Variants in COL4A6 observed in about 807,000 individuals in gnomAD.
The protein encoded by COL4A6 is collagen alpha-6(IV) chain.
COL4A6 carries 59 observed loss-of-function variants against 126.7 expected under a neutral mutation model. That is an observed-to-expected ratio of 0.47 (90% CI 0.38 to 0.58). The LOEUF (loss-of-function observed/expected upper bound fraction) is 0.58, where lower values mean the gene tolerates loss of function less well. COL4A6 is among the 20% of genes least tolerant of loss of function. The probability of loss-of-function intolerance (pLI) is 0.00; values close to 1 mark genes in which losing one functional copy is unlikely to be tolerated. For missense variants in COL4A6, 1,285 were observed against 1,337.3 expected (o/e 0.96, Z 0.61); for synonymous variants, 547 against 496.6 (o/e 1.10, Z -1.35).
intron 2 of COL4A6, among the ~76,000 whole-genome samples, chrX:108,379,686 T>C (rs1410329250): frequency 9.1e-6 from 1 of 110,282 alleles, no homozygotes; most frequent in Admixed American, 9.8e-5. Context: ...TCCACAAATG[T>C]TACTATTTTA....
At position 108,160,475 on chromosome X, in the gene COL4A6, T is replaced by C; in HGVS notation, c.4513A>G (p.Asn1505Asp). Reference protein sequence around the residue: ...LFVEGQEKAHNQDLGFAGSCL... With the variant: ...LFVEGQEKAHDQDLGFAGSCL... Reference sequence around the variant, plus strand: ...AGCTGGTACCTACCCAGGTCCTGGTTGTGGGCTTTCTCTTGCCCCTCCACA... The same window carrying C: ...AGCTGGTACCTACCCAGGTCCTGGTCGTGGGCTTTCTCTTGCCCCTCCACA... Residue 1505 changes from asparagine to aspartate, a missense_variant, in exon 43 of 45, where the codon AAC becomes GAC. Transcript: ENST00000334504. The C allele has an allele frequency of 4.2e-6, 5 of 1,201,824 alleles. No individual in the cohort carries two copies. The highest frequency in any genetic ancestry group is 5.6e-6 in the Non-Finnish European group (5 of 890,379).
intron 2 of COL4A6, among the ~76,000 whole-genome samples, chrX:108,319,600 A>G (rs1322722705): frequency 8.9e-6 from 1 of 112,150 alleles, no homozygotes; most frequent in East Asian, 2.8e-4. Context: ...AGGTCAAGTA[A>G]GACAAGATAT....
intron 2 of COL4A6, among the ~76,000 whole-genome samples, chrX:108,336,527 T>A (rs887261588): frequency 9.0e-6 from 1 of 111,082 alleles, no homozygotes; most frequent in African/African-American, 3.3e-5. Flanking sequence ...GGTTCCCATT[T>A]GGGGTGGTGA....
chrX:108,234,837 G>A (rs2036395705), intron 3 of COL4A6, among the ~76,000 whole-genome samples: 1 of 111,651 alleles, frequency 9.0e-6, no homozygotes, highest in Admixed American at 9.5e-5. Context: ...GAGGGAAGTG[G>A]AGAATGTCTA....
At chrX:108,355,730 G>A (rs971630468) in intron 2 of COL4A6, among the ~76,000 whole-genome samples, 2 of 111,909 alleles carry the variant, frequency 1.8e-5, no homozygotes, top group African/African-American at 6.5e-5. Context: ...AGTCAGCCAT[G>A]CAAAACTCTT....
At chrX:108,327,020 G>T (rs1603095064) in intron 2 of COL4A6, among the ~76,000 whole-genome samples, 1 of 111,136 alleles carries the variant, frequency 9.0e-6, no homozygotes, top group African/African-American at 3.3e-5. Flanking sequence ...TAGACTGAGA[G>T]AAAATATTCG....
chrX:108,410,380 T>G (rs1485042040), intron 2 of COL4A6, among the ~76,000 whole-genome samples: 1 of 111,680 alleles, frequency 9.0e-6, no homozygotes, highest in Admixed American at 9.5e-5. Context: ...CAAGAGTTTT[T>G]TTCATATAGA....
intron 2 of COL4A6, among the ~76,000 whole-genome samples, chrX:108,329,988 G>A (rs1306671300): frequency 1.8e-5 from 2 of 110,630 alleles, no homozygotes; most frequent in African/African-American, 3.3e-5. Context: ...AAATGAGTTC[G>A]GTTTTGGACA....
At position 108,191,396 on chromosome X, in the gene COL4A6, G is replaced by C. The variant is rs769769866; in HGVS notation, c.1318C>G (p.Pro440Ala). The change falls in exon 19 of 45, where the codon CCT becomes GCT. Residue 440 changes from proline to alanine, a missense_variant. Transcript: ENST00000334504. The stretch of plus-strand genomic sequence containing the variant: ...AAAAGAGAAATGAGTAACTTACTAG[G>C]TGGGCCTGGTGGACCTGGTGGGCCT... ...LPGPPGPPGP[P>A]SPEFETETLH... The C allele has an allele frequency of 4.1e-6, 5 of 1,209,199 alleles. No individual in the cohort carries two copies. The highest frequency in any genetic ancestry group is 5.6e-6 in the Non-Finnish European group (5 of 894,402).
chrX:108,284,803 C>A (rs2037961465), intron 3 of COL4A6, among the ~76,000 whole-genome samples: 1 of 112,078 alleles, frequency 8.9e-6, no homozygotes, highest in African/African-American at 3.2e-5. Context: ...ATAAATGGAA[C>A]CGAGTTTTAG....
At chrX:108,270,962 C>T (rs1345306459) in intron 3 of COL4A6, among the ~76,000 whole-genome samples, 3 of 111,751 alleles carry the variant, frequency 2.7e-5, no homozygotes, top group Non-Finnish European at 5.6e-5. Flanking sequence ...GAAAAGGCAA[C>T]GCGGCTTAGA....
intron 2 of COL4A6, among the ~76,000 whole-genome samples, chrX:108,379,474 G>A (rs1451954193): frequency 6.5e-5 from 5 of 76,722 alleles, no homozygotes; most frequent in African/African-American, 2.1e-4. Context: ...GAAGGGGCTT[G>A]CTATGTTGCC....
In COL4A6 at chrX:108,344,939, C is replaced by G. The variant is rs768933756; in HGVS notation, c.64-34111G>C. 6.2e-5 allele frequency among the ~76,000 whole-genome samples: 7 copies of G among 112,025 alleles called. No individual in the cohort carries two copies. The South Asian group carries it at 1.1e-3, about 18-fold the overall frequency. ...ATCTGGCCTGTTACCCAGATGGATA[C>G]TAACCATGGGTGGGGGATGAATGTT... On this transcript the variant is annotated intron_variant, in intron 2 of 44. Transcript: ENST00000334504.
chrX:108,360,478 T>C (rs1413622071), intron 2 of COL4A6, among the ~76,000 whole-genome samples: 1 of 110,596 alleles, frequency 9.0e-6, no homozygotes, highest in Non-Finnish European at 1.9e-5. Context: ...AGTAGAGAGA[T>C]TGATGTTTTG....
At chrX:108,226,893 C>T (rs964860861) in intron 3 of COL4A6, among the ~76,000 whole-genome samples, 1 of 111,774 alleles carries the variant, frequency 8.9e-6, no homozygotes, top group South Asian at 3.8e-4. Flanking sequence ...TCTTTCTCAT[C>T]TCTCGCCTGG....
chrX:108,255,235 TG>T (rs1231498718), intron 3 of COL4A6, among the ~76,000 whole-genome samples: 3 of 83,345 alleles, frequency 3.6e-5, no homozygotes, highest in African/African-American at 1.1e-4. Flanking sequence ...CAAATGGAAG[TG>T]GGGGGGCTAC....
intron 2 of COL4A6, among the ~76,000 whole-genome samples, chrX:108,332,051 T>G (rs991296869): frequency 9.0e-6 from 1 of 111,354 alleles, no homozygotes; most frequent in African/African-American, 3.3e-5. Context: ...CCTTTCTGTA[T>G]GTCCATGTCT....
intron 2 of COL4A6, among the ~76,000 whole-genome samples, chrX:108,404,419 T>TC (rs968341904): frequency 2.7e-5 from 3 of 111,487 alleles, no homozygotes; most frequent in Non-Finnish European, 5.7e-5. Flanking sequence ...AGGATATCAC[T>TC]CCCATATACA....
rs1033719682 is a variant in COL4A6, at chrX:108,427,496, A to T, written c.63+10446T>A. On this transcript the variant is annotated intron_variant, in intron 2 of 44. Coordinates refer to ENST00000334504, the MANE Select transcript of COL4A6 (RefSeq NM_033641.4). ...GGAAGGCAAGACAGAGGATGAAAAA[A>T]ACAGGAGAAGCAGAAGGAGTGAATA... Among the ~76,000 whole-genome samples, 7 of 112,276 alleles carry T rather than the reference A, an allele frequency of 6.2e-5. No individual in the cohort carries two copies. In the East Asian group the frequency reaches 1.7e-3, roughly 27 times the overall value.
Sources: gnomAD v4.1 joint callset for allele counts (sites outside exome capture counted in the v4.1 genomes callset) on GRCh38, gnomAD v4.1.1 for gene constraint, MANE v1.5 for transcripts, NCBI Gene and HGNC (gene_info 2026-07-23, HGNC 2026-07-21) for gene names.